Variants in ANK3 observed in about 807,000 individuals in gnomAD.
ANK3 encodes ankyrin-3.
A neutral mutation model predicts 370.9 loss-of-function variants in ANK3; 57 were observed. The observed-to-expected ratio is 0.15, with a 90% CI of 0.12 to 0.19. The LOEUF (loss-of-function observed/expected upper bound fraction) is 0.19, where lower values mean the gene tolerates loss of function less well. Ranked by LOEUF, ANK3 falls within the 10% of genes least tolerant of loss-of-function variation. The probability of loss-of-function intolerance (pLI) is 1.00; values close to 1 mark genes in which losing one functional copy is unlikely to be tolerated. For missense variants in ANK3, 4,439 were observed against 5,302.1 expected (o/e 0.84, Z 5.06); for synonymous variants, 1,929 against 1,946.3 (o/e 0.99, Z 0.23).
At chr10:60,245,978 G>A (rs914751054) in intron 7 of ANK3, among the ~76,000 whole-genome samples, 9 of 152,072 alleles carry the variant, frequency 5.9e-5, no homozygotes, top group Admixed American at 1.3e-4. Context: ...CCACTAGGCC[G>A]GGCATGGTGG....
intron 2 of ANK3, among the ~76,000 whole-genome samples, chr10:60,404,767 A>G (rs1205890781): frequency 1.3e-5 from 2 of 152,206 alleles, no homozygotes; most frequent in Non-Finnish European, 2.9e-5. Context: ...GCCCACTGTT[A>G]AGAAAATGAA....
exon 1 of ANK3, chr10:60,733,415 A>T: frequency 1.6e-5 from 18 of 1,125,228 alleles, no homozygotes; most frequent in Non-Finnish European, 2.0e-5. Flanking sequence ...CTTGGGAAAA[A>T]GTTCGGCCGC....
intron 2 of ANK3, among the ~76,000 whole-genome samples, chr10:60,585,187 C>T (rs141115823): frequency 2.2e-4 from 34 of 152,278 alleles, no homozygotes; most frequent in African/African-American, 7.5e-4. Context: ...GAAATTGATG[C>T]TGCATGCTGG....
chr10:60,054,206 G>GA lies in ANK3; in HGVS notation c.13065+1451dup, dbSNP rs1051248873. On this transcript the variant is annotated intron_variant, in intron 42 of 43. Transcript: ENST00000280772. Reference sequence around the variant, plus strand: ...GCTTTTGCAGAATAAATATTCACAGGAAAAATACCACTATGTTATTGCTTC... The same window carrying GA: ...GCTTTTGCAGAATAAATATTCACAGGAAAAAATACCACTATGTTATTGCTTC... Among the ~76,000 whole-genome samples the GA allele has an allele frequency of 2.0e-5, 3 of 152,200 alleles. No homozygotes were observed. The East Asian group carries it at 5.8e-4, about 29-fold the overall frequency.
intron 1 of ANK3, among the ~76,000 whole-genome samples, chr10:60,669,106 T>C (rs2079034965): frequency 6.6e-6 from 1 of 152,220 alleles, no homozygotes; most frequent in Admixed American, 6.5e-5. Flanking sequence ...GTCAGACCTA[T>C]GTTGTCTCCA....
intron 1 of ANK3, among the ~76,000 whole-genome samples, chr10:60,671,783 C>T (rs531738031): frequency 5.7e-4 from 87 of 152,340 alleles, no homozygotes; most frequent in African/African-American, 2.0e-3. Flanking sequence ...TGTGAGGATG[C>T]TCAAGCAGCC....
intron 28 of ANK3, among the ~76,000 whole-genome samples, chr10:60,098,820 C>T (rs2090642437): frequency 1.3e-5 from 2 of 152,164 alleles, no homozygotes; most frequent in South Asian, 4.1e-4. Flanking sequence ...CATTATTTCA[C>T]ATCTTTATTC....
intron 7 of ANK3, among the ~76,000 whole-genome samples, chr10:60,235,550 G>GTTTTTTTTTTTTTTTTTTTTTTTTTTTT (rs72388493): frequency 1.7e-5 from 2 of 115,052 alleles, no homozygotes; most frequent in Non-Finnish European, 3.5e-5. Context: ...CTGATTTCTT[G>GTTTTTTTTTTTTTTTTTTTTTTTTTTTT]TTTTTTTTTT....
At chr10:60,180,970 C>A (rs2096160283) in intron 18 of ANK3, among the ~76,000 whole-genome samples, 1 of 152,084 alleles carries the variant, frequency 6.6e-6, no homozygotes, top group African/African-American at 2.4e-5. Context: ...TCACAAATTA[C>A]AAGTTTTTCT....
At chr10:60,211,892 C>CAAAAAAAAAAAAAAAAAAAAAAGAA (rs72238553) in intron 9 of ANK3, among the ~76,000 whole-genome samples, 3 of 93,394 alleles carry the variant, frequency 3.2e-5, no homozygotes, top group African/African-American at 9.6e-5. Context: ...AATACAGAGC[C>CAAAAAAAAAAAAAAAAAAAAAAGAA]AAAAAAAAAA....
chr10:60,606,279 G>A (rs2078127290), intron 2 of ANK3, among the ~76,000 whole-genome samples: 1 of 151,706 alleles, frequency 6.6e-6, no homozygotes, highest in Admixed American at 6.6e-5. Flanking sequence ...ATTTTCTTTT[G>A]GAACACAGTT....
At chr10:60,171,135 T>C (rs2095780755) in intron 21 of ANK3, among the ~76,000 whole-genome samples, 1 of 152,188 alleles carries the variant, frequency 6.6e-6, no homozygotes, top group Non-Finnish European at 1.5e-5. Flanking sequence ...TTTAATATAA[T>C]AAAATCCTCA....
intron 1 of ANK3, among the ~76,000 whole-genome samples, chr10:60,652,213 G>C (rs7094818): frequency 0.68 from 103,042 of 151,730 alleles, 35,103 homozygotes; most frequent in South Asian, 0.83. Context: ...GTTCAAGACA[G>C]AGCAAGACCT....
At chr10:60,652,499 C>T (rs1252445106) in intron 1 of ANK3, among the ~76,000 whole-genome samples, 2 of 151,806 alleles carry the variant, frequency 1.3e-5, no homozygotes, top group African/African-American at 2.4e-5. Context: ...ACCTTAAACC[C>T]TTAATCAAAA....
intron 2 of ANK3, among the ~76,000 whole-genome samples, chr10:60,598,881 T>C (rs548460730): frequency 5.3e-5 from 8 of 152,322 alleles, no homozygotes; most frequent in Admixed American, 4.6e-4. Flanking sequence ...GGAAATTAAC[T>C]GTTAAAGACA....
At chr10:60,507,328 A>G (rs752866893) in intron 2 of ANK3, among the ~76,000 whole-genome samples, 2 of 152,066 alleles carry the variant, frequency 1.3e-5, no homozygotes, top group Non-Finnish European at 2.9e-5. Context: ...TACCACCTAA[A>G]CATATTCACT....
chr10:60,064,342 T>C, intron 38 of ANK3, 54 bp from the exon 39 acceptor site: 1 of 1,513,712 alleles, frequency 6.6e-7, no homozygotes, highest in Non-Finnish European at 8.8e-7. Context: ...TTATCACACG[T>C]TTCATAAAAG....
At chr10:60,537,768 T>C (rs2076756940) in intron 2 of ANK3, among the ~76,000 whole-genome samples, 1 of 151,946 alleles carries the variant, frequency 6.6e-6, no homozygotes, top group Non-Finnish European at 1.5e-5. Flanking sequence ...TTCAAAAATA[T>C]GGTAGAATTG....
intron 1 of ANK3, among the ~76,000 whole-genome samples, chr10:60,702,265 CA>C (rs5785462): frequency 0.37 from 47,119 of 128,736 alleles, 7,362 homozygotes; most frequent in African/African-American, 0.4. Context: ...GACCCTGTCT[CA>C]AAAAAAAAAA....
Sources: allele counts gnomAD v4.1 joint callset (sites outside exome capture counted in the v4.1 genomes callset), GRCh38; gene constraint gnomAD v4.1.1; transcripts MANE v1.5; gene names NCBI Gene and HGNC (gene_info 2026-07-23, HGNC 2026-07-21).